UNC13A: variants seen among roughly 807,000 people sequenced by gnomAD.
The protein encoded by UNC13A is protein unc-13 homolog A.
A neutral mutation model predicts 219.7 loss-of-function variants in UNC13A; 61 were observed. That is an observed-to-expected ratio of 0.28 (90% confidence interval 0.23 to 0.34). The LOEUF is 0.34. Ranked by LOEUF, UNC13A falls within the 10% of genes least tolerant of loss-of-function variation. The probability of loss-of-function intolerance (pLI) is 1.00; values close to 1 mark genes in which losing one functional copy is unlikely to be tolerated. For synonymous variants in UNC13A, 920 were observed against 884.6 expected, an observed-to-expected ratio of 1.04 and a Z score of -0.71; for missense variants, 1,476 against 2,270.3, an observed-to-expected ratio of 0.65 and a Z score of 7.11.
At chr19:17,632,653 G>A (rs1392102363) in intron 28 of UNC13A, 129 bp downstream of exon 28, 2 of 1,381,276 alleles carry the variant, frequency 1.4e-6, no homozygotes, top group African/African-American at 2.8e-5. Flanking sequence ...GGAGAACACT[G>A]GATTCAAGCC....
intron 1 of UNC13A, among the ~76,000 whole-genome samples, chr19:17,679,098 A>G (rs1391087879): frequency 1.3e-5 from 2 of 151,938 alleles, no homozygotes; most frequent in African/African-American, 4.8e-5. Flanking sequence ...ATGTCTAAAA[A>G]TAATAATTTA....
chr19:17,648,676 T>C (rs770088026), intron 15 of UNC13A, 26 bp from the exon 16 acceptor site: 3 of 1,588,800 alleles, frequency 1.9e-6, no homozygotes, highest in Non-Finnish European at 2.6e-6. Context: ...GGGTGCGGTT[T>C]GGGGGCGCCT....
intron 8 of UNC13A, among the ~76,000 whole-genome samples, chr19:17,658,670 T>C (rs935481242): frequency 6.6e-6 from 1 of 152,088 alleles, no homozygotes; most frequent in African/African-American, 2.4e-5. Context: ...CAGGGGGAAG[T>C]TGGAAGAAGA....
chr19:17,680,631 T>C (rs796355661), intron 1 of UNC13A, among the ~76,000 whole-genome samples: 13 of 152,158 alleles, frequency 8.5e-5, no homozygotes, highest in South Asian at 8.3e-4. Context: ...ATCTGGAAAA[T>C]GGGGAGACGG....
intron 37 of UNC13A, among the ~76,000 whole-genome samples, chr19:17,621,605 G>A (rs564559834): frequency 1.3e-5 from 2 of 152,246 alleles, no homozygotes; most frequent in East Asian, 1.9e-4. Context: ...GATGGGAGCT[G>A]TTTGTGCACA....
rs550598496 is a variant in UNC13A at position 17,647,040 on chromosome 19, T to C, written c.2044+225A>G. On this transcript the variant is annotated intron_variant, in intron 17 of 43. Transcript: ENST00000519716. The stretch of plus-strand genomic sequence containing the variant: ...CTCAATTCCTCTTCTTGGAGTCTCA[T>C]TCTGGAGGGCACCATCCAAGACGCA... Among the ~76,000 whole-genome samples, 7 of 152,340 alleles carry C rather than the reference T, an allele frequency of 4.6e-5. No individual in the cohort carries two copies. In the South Asian group the frequency reaches 1.4e-3, roughly 32 times the overall value.
At chr19:17,621,944 T>C (rs1227048586) in intron 36 of UNC13A, 74 bp from the exon 37 acceptor site, 3 of 1,485,828 alleles carry the variant, frequency 2.0e-6, no homozygotes, top group Non-Finnish European at 2.8e-6. Flanking sequence ...CTCACAGGAA[T>C]ATTCATGGGG....
chr19:17,625,022 G>T, intron 34 of UNC13A, 70 bp from the exon 35 acceptor site: 1 of 1,568,030 alleles, frequency 6.4e-7, no homozygotes, highest in Non-Finnish European at 8.7e-7. Context: ...TCCCTTAACA[G>T]GTGGGCAAGG....
intron 26 of UNC13A, 87 bp from the exon 27 acceptor site, chr19:17,633,280 T>C (rs1180196660): frequency 2.6e-5 from 33 of 1,289,406 alleles, no homozygotes; most frequent in Admixed American, 7.0e-5. Context: ...CACAGAGGAG[T>C]GTAGGGTAGG....
intron 11 of UNC13A, among the ~76,000 whole-genome samples, chr19:17,653,589 T>C (rs893590605): frequency 9.2e-5 from 14 of 151,872 alleles, no homozygotes; most frequent in Non-Finnish European, 1.6e-4. Context: ...CCTCAGGTGA[T>C]CCACCCACCT....
At chr19:17,628,123 C>T (rs760083281) in intron 31 of UNC13A, 183 bp from the exon 32 acceptor site, 13 of 604,838 alleles carry the variant, frequency 2.1e-5, no homozygotes, top group Middle Eastern at 4.4e-4. Flanking sequence ...GTTGTTGGGG[C>T]GGGCATCTCT....
At chr19:17,636,795 A>G (rs771316337) in intron 25 of UNC13A, among the ~76,000 whole-genome samples, 12 of 152,186 alleles carry the variant, frequency 7.9e-5, no homozygotes, top group Non-Finnish European at 1.6e-4. Context: ...AATTAGCCCA[A>G]TTCAACCCAA....
At chr19:17,619,163 G>C (rs1036066598) in intron 38 of UNC13A, 24 of 574,326 alleles carry the variant, frequency 4.2e-5, no homozygotes, top group African/African-American at 3.7e-4. Context: ...TGTGAGGATA[G>C]TCCCCCACCC....
At chr19:17,616,342 G>A in intron 41 of UNC13A, 1 of 673,484 alleles carries the variant, frequency 1.5e-6, no homozygotes, top group Admixed American at 2.1e-5. Flanking sequence ...TTACTAGCCG[G>A]GGCCAGGAGG....
In UNC13A at chr19:17,688,255, C is replaced by A. The variant is rs747050173; in HGVS notation, c.-56G>T. Reference sequence around the variant, plus strand: ...GCCGGGCCGGCTCTGTCGGGTCGGGCTCAGCGGCCGCTGGGCTGGGGCATC... The same window carrying A: ...GCCGGGCCGGCTCTGTCGGGTCGGGATCAGCGGCCGCTGGGCTGGGGCATC... On this transcript the variant is annotated 5_prime_UTR_variant, in exon 1 of 44. Transcript: ENST00000519716. 55 of 1,419,108 alleles carry A rather than the reference C, an allele frequency of 3.9e-5. No homozygotes were observed. The highest frequency in any genetic ancestry group is 2.6e-4 in the Middle Eastern group (1 of 3,900). 87.9% of individuals were successfully genotyped at this position (1,419,108 alleles called of 1,614,324 possible). A position where few individuals can be genotyped will look rare whatever the true frequency, so the allele number is the denominator to read the frequency against.
chr19:17,620,948 C>T (rs931014120), intron 37 of UNC13A, among the ~76,000 whole-genome samples: 2 of 152,050 alleles, frequency 1.3e-5, no homozygotes, highest in African/African-American at 2.4e-5. Context: ...TCGGGGTACC[C>T]AGGAGGCTGG....
intron 43 of UNC13A, 60 bp downstream of exon 43, chr19:17,609,880 G>A (rs1220567310): frequency 1.9e-6 from 3 of 1,603,116 alleles, no homozygotes; most frequent in Non-Finnish European, 2.6e-6. Flanking sequence ...TGGCTTTGGG[G>A]TTCACCTGGC....
chr19:17,631,218 TCCTTCTTCCTTCCTTC>T (rs1225516380), intron 28 of UNC13A, among the ~76,000 whole-genome samples: 1 of 29,442 alleles, frequency 3.4e-5, no homozygotes, highest in African/African-American at 1.6e-4. Context: ...CTTCCTTCCT[TCCTTCTTCCTTCCTTC>T]CTTCCTTCCT....
chr19:17,607,922 C>T (rs1247860981), intron 43 of UNC13A, among the ~76,000 whole-genome samples: 1 of 149,696 alleles, frequency 6.7e-6, no homozygotes, highest in African/African-American at 2.5e-5. Context: ...CTCTGTCGCC[C>T]AGGCTGGAGT....
Sources: gnomAD v4.1 joint callset for allele counts (sites outside exome capture counted in the v4.1 genomes callset) on GRCh38, gnomAD v4.1.1 for gene constraint, MANE v1.5 for transcripts, NCBI Gene and HGNC (gene_info 2026-07-23, HGNC 2026-07-21) for gene names.